DNAH17: variants seen among roughly 807,000 people sequenced by gnomAD.
DNAH17 encodes axonemal beta dynein heavy chain 17.
In DNAH17, 376 loss-of-function variants were observed where a neutral mutation model predicts 485.6. The observed-to-expected ratio is 0.77, with a 90% confidence interval of 0.71 to 0.84. DNAH17 has a LOEUF of 0.84. DNAH17 is among the 40% of genes least tolerant of loss of function. The pLI is 0.00. For missense variants in DNAH17, 6,370 were observed against 5,839.3 expected (o/e 1.09, Z -2.96); for synonymous variants, 3,031 against 2,405.9 (o/e 1.26, Z -7.60).
Position 78,570,376 on chromosome 17 carries a change from G to A in DNAH17, c.919-4C>T. ...CCTTGGCAATGAAGGTGGGGAGCTG[G>A]GGGGAGACAGGCCCAGGCACACTGG... is the stretch of plus-strand genomic sequence containing the variant. On this transcript the variant is annotated splice_region_variant and splice_polypyrimidine_tract_variant and intron_variant, in intron 6 of 80. Coordinates refer to ENST00000389840, the MANE Select transcript of DNAH17 (RefSeq NM_173628.4). The A allele has an allele frequency of 6.2e-7, 1 of 1,609,496 alleles. No homozygotes were observed. The highest frequency in any genetic ancestry group is 8.5e-7 in the Non-Finnish European group (1 of 1,178,548).
chr17:78,426,968 G>A lies in DNAH17; in HGVS notation c.12729C>T (p.Asn4243=), dbSNP rs1302075446. ...QECERMNILT[N]EMRRSLKELN... is the part of the protein sequence containing the mutation. ...GCTCCTTGAGCGAACGGCGCATTTC[G>A]TTGGTCAGGATGTTCATTCTTTCAC... The change falls in exon 78 of 81, where the codon AAC becomes AAT. Residue 4243 remains asparagine, a synonymous_variant. Coordinates refer to ENST00000389840, the MANE Select transcript of DNAH17 (RefSeq NM_173628.4). 1.2e-5 allele frequency: 19 copies of A among 1,610,776 alleles called. No individual in the cohort carries two copies. Among genetic ancestry groups the A allele is most frequent in the African/African-American group, 1.3e-5 (1 of 74,988 alleles).
At chr17:78,543,432 A>C (rs2091658679) in intron 17 of DNAH17, among the ~76,000 whole-genome samples, 1 of 152,026 alleles carries the variant, frequency 6.6e-6, no homozygotes, top group African/African-American at 2.4e-5. Context: ...CTGGGACTAC[A>C]AGCGCCCGCC....
At chr17:78,474,231 G>A (rs1283344410) in intron 54 of DNAH17, among the ~76,000 whole-genome samples, 1 of 152,220 alleles carries the variant, frequency 6.6e-6, no homozygotes, top group Non-Finnish European at 1.5e-5. Context: ...GTCCCCTTAG[G>A]TTCCCCCTTG....
rs574876552 is a variant in DNAH17, at chr17:78,479,757, T to C, written c.7753-125A>G. On this transcript the variant is annotated intron_variant, in intron 49 of 80. Coordinates refer to ENST00000389840, the MANE Select transcript of DNAH17 (RefSeq NM_173628.4). ...TAAGGTCTTTTGGGCATTGTCAGAA[T>C]GGGCAGTTACCCTCCTTGTGCCTTG... 2.2e-5 allele frequency: 29 copies of C among 1,336,366 alleles called. 1 individual carries two copies. The African/African-American group carries it at 3.2e-4, about 15-fold the overall frequency. 82.8% of individuals were successfully genotyped at this position (1,336,366 alleles called of 1,614,324 possible).
At chr17:78,559,034 G>A (rs973867666) in intron 13 of DNAH17, among the ~76,000 whole-genome samples, 1 of 152,214 alleles carries the variant, frequency 6.6e-6, no homozygotes, top group African/African-American at 2.4e-5. Context: ...AGATGTCCAT[G>A]ATGGGGAGCC....
chr17:78,438,924 G>T, intron 73 of DNAH17, 166 bp downstream of exon 73: 1 of 1,057,060 alleles, frequency 9.5e-7, no homozygotes, highest in Non-Finnish European at 1.3e-6. Context: ...GCTGACCCCA[G>T]CAGAGCCGAC....
intron 48 of DNAH17, among the ~76,000 whole-genome samples, chr17:78,481,037 C>T (rs1490431898): frequency 1.3e-5 from 2 of 151,462 alleles, no homozygotes; most frequent in Non-Finnish European, 2.9e-5. Context: ...CCTCGTGATG[C>T]GCCCGCCTCA....
intron 22 of DNAH17, among the ~76,000 whole-genome samples, chr17:78,529,199 C>T (rs892196148): frequency 6.6e-6 from 1 of 152,004 alleles, no homozygotes; most frequent in African/African-American, 2.4e-5. Flanking sequence ...CTTGGCCTCC[C>T]AAAGTGCTGG....
intron 48 of DNAH17, among the ~76,000 whole-genome samples, chr17:78,484,570 A>T (rs749999866): frequency 6.9e-4 from 66 of 95,824 alleles, no homozygotes; most frequent in Non-Finnish European, 1.3e-3. Context: ...GGGGGGAAGG[A>T]GGATCCCCCC....
Position 78,491,493 on chromosome 17 carries a change from T to C in DNAH17, c.6619A>G (p.Ile2207Val). The C allele has an allele frequency of 1.2e-6, 2 of 1,613,702 alleles. No homozygotes were observed. Among genetic ancestry groups the C allele is most frequent in the Non-Finnish European group, 8.5e-7 (1 of 1,179,876 alleles). ...GPKWIILDGD[I>V]DPMWIESLNT... Reference sequence around the variant, plus strand: ...AGAGACTCGATCCACATGGGGTCTATGTCTCCGTCAAGGATGATCCACTTG... The same window carrying C: ...AGAGACTCGATCCACATGGGGTCTACGTCTCCGTCAAGGATGATCCACTTG... Residue 2207 changes from isoleucine (I) to valine (V), a missense_variant, in exon 43 of 81, where the codon ATA becomes GTA. Coordinates refer to ENST00000389840, the MANE Select transcript of DNAH17 (RefSeq NM_173628.4).
chr17:78,560,699 C>G, intron 13 of DNAH17, 41 bp downstream of exon 13: 1 of 1,511,470 alleles, frequency 6.6e-7, no homozygotes, highest in Non-Finnish European at 8.9e-7. Flanking sequence ...TCCCCCCGCT[C>G]CCAAGGAGCC....
At position 78,437,679 on chromosome 17, in the gene DNAH17, G is replaced by A. The variant is rs1414177475; in HGVS notation, c.11995C>T (p.His3999Tyr). 3 of 1,611,664 alleles carry A rather than the reference G, an allele frequency of 1.9e-6. No individual in the cohort carries two copies. The highest frequency in any genetic ancestry group is 1.7e-6 in the Non-Finnish European group (2 of 1,179,268). Reference protein sequence around the residue: ...KITNEPPTGMHANLHKALDLF... With the variant: ...KITNEPPTGMYANLHKALDLF... ...TCCAGGGCCTTGTGCAAGTTGGCGT[G>A]CATGCCCGTGGGGGGCTCGTTGGTG... The change falls in exon 74 of 81, where the codon CAC becomes TAC. Residue 3999 changes from histidine to tyrosine, a missense_variant. By Grantham distance (83) the His-to-Tyr change is moderately conservative. Coordinates refer to ENST00000389840, the MANE Select transcript of DNAH17 (RefSeq NM_173628.4).
Position 78,509,744 on chromosome 17 carries a change from C to T in DNAH17, c.4236+640G>A, listed in dbSNP as rs74001393. 4.8e-3 allele frequency among the ~76,000 whole-genome samples: 727 copies of T among 152,104 alleles called. 5 individuals are homozygous for T. The highest frequency in any genetic ancestry group is 0.017 in the African/African-American group (686 of 41,500). ...CTGCGGAGTCAGAAGAAACAACTGA[C>T]GTCCATGGAGGAGTCAGACGGGACC... On this transcript the variant is annotated intron_variant, in intron 27 of 80. Transcript: ENST00000389840.
intron 48 of DNAH17, among the ~76,000 whole-genome samples, chr17:78,483,957 G>A (rs1022114341): frequency 6.6e-6 from 1 of 151,612 alleles, no homozygotes; most frequent in Non-Finnish European, 1.5e-5. Flanking sequence ...ATTAGCCGGC[G>A]TGGTGGTGGG....
At position 78,468,644 on chromosome 17, in the gene DNAH17, G is replaced by A. The variant is rs758647341; in HGVS notation, c.8751C>T (p.Phe2917=). ...TGAGCTGTCTGCGCACTTTTTCGAT[G>A]AAGAACTTCCAACATGTTTCCCGAG... ...NDTRETCWKF[F]IEKVRRQLKV... is the part of the protein sequence containing the mutation. Residue 2917 remains phenylalanine, a synonymous_variant, in exon 55 of 81, where the codon TTC becomes TTT. Coordinates refer to ENST00000389840, the MANE Select transcript of DNAH17 (RefSeq NM_173628.4). The A allele has an allele frequency of 4.4e-5, 71 of 1,613,646 alleles. No individual in the cohort carries two copies. Among genetic ancestry groups the A allele is most frequent in the Non-Finnish European group, 5.8e-5 (69 of 1,179,778 alleles).
Position 78,491,488 on chromosome 17 carries a change from G to A in DNAH17, c.6624C>T (p.Asp2208=), listed in dbSNP as rs1476492982. The change falls in exon 43 of 81, where the codon GAC becomes GAT. Residue 2208 remains aspartate (D), a synonymous_variant. Transcript: ENST00000389840. ...TGTTGAGAGACTCGATCCACATGGG[G>A]TCTATGTCTCCGTCAAGGATGATCC... ...PKWIILDGDI[D]PMWIESLNTV... The A allele has an allele frequency of 6.2e-7, 1 of 1,613,494 alleles. No individual in the cohort carries two copies.
At chr17:78,563,487 A>C (rs2143668042) in intron 11 of DNAH17, among the ~76,000 whole-genome samples, 1 of 143,130 alleles carries the variant, frequency 7.0e-6, no homozygotes, top group South Asian at 2.2e-4. Context: ...ATAGAAAAAA[A>C]CCCCAAAAAC....
intron 27 of DNAH17, among the ~76,000 whole-genome samples, chr17:78,509,767 A>G (rs2143063988): frequency 6.6e-6 from 1 of 151,776 alleles, no homozygotes; most frequent in African/African-American, 2.4e-5. Context: ...GTCAGACGGG[A>G]CCACAGACAA....
rs777270141 is a variant in DNAH17 at position 78,424,113 on chromosome 17, C to T, written c.13182G>A (p.Ala4394=). Residue 4394 remains alanine (A), a synonymous_variant, in exon 81 of 81, where the codon GCG becomes GCA. Coordinates refer to ENST00000389840, the MANE Select transcript of DNAH17 (RefSeq NM_173628.4). ...WDTQTGVIAE[A]RLKELTPAMP... is the part of the protein sequence containing the mutation. Reference sequence around the variant, plus strand: ...TGGCCGGGGTCAGCTCTTTCAGCCGCGCTTCAGCGATGACTCCAGTCTGGG... The same window carrying T: ...TGGCCGGGGTCAGCTCTTTCAGCCGTGCTTCAGCGATGACTCCAGTCTGGG... The T allele has an allele frequency of 3.5e-5, 56 of 1,613,482 alleles. No individual in the cohort carries two copies. The highest frequency in any genetic ancestry group is 3.3e-4 in the Middle Eastern group (2 of 6,084).
Sources: gnomAD v4.1 joint callset for allele counts (sites outside exome capture counted in the v4.1 genomes callset) on GRCh38, gnomAD v4.1.1 for gene constraint, MANE v1.5 for transcripts, NCBI Gene and HGNC (gene_info 2026-07-23, HGNC 2026-07-21) for gene names.